Variants in ZCCHC2 observed in about 807,000 individuals in gnomAD.
The protein encoded by ZCCHC2 is zinc finger CCHC-type containing 2.
ZCCHC2 carries 39 observed loss-of-function variants against 103.6 expected under a neutral mutation model. That is an observed-to-expected ratio of 0.38 (90% CI 0.29 to 0.49). ZCCHC2 has a LOEUF of 0.49. ZCCHC2 is among the 20% of genes least tolerant of loss of function. ZCCHC2 has a pLI of 0.96. For synonymous variants in ZCCHC2, 687 were observed against 608.9 expected, an observed-to-expected ratio of 1.13 and a Z score of -1.89; for missense variants, 1,483 against 1,491.0, an observed-to-expected ratio of 0.99 and a Z score of 0.09.
intron 1 of ZCCHC2, among the ~76,000 whole-genome samples, chr18:62,529,065 CAA>C (rs1179665704): frequency 7.2e-6 from 1 of 138,700 alleles, no homozygotes; most frequent in African/African-American, 2.7e-5. Context: ...GAGGCTGAGA[CAA>C]GAGAATTGCT....
At chr18:62,531,907 C>T (rs2145487696) in intron 1 of ZCCHC2, among the ~76,000 whole-genome samples, 1 of 152,186 alleles carries the variant, frequency 6.6e-6, no homozygotes, top group South Asian at 2.1e-4. Context: ...TCACTTGAGC[C>T]TGGGAGGTCA....
rs1401088053 is a variant in ZCCHC2, at chr18:62,563,061, G to A, written c.1603G>A (p.Glu535Lys). 3 of 1,613,910 alleles carry A rather than the reference G, an allele frequency of 1.9e-6. No homozygotes were observed. Among genetic ancestry groups the A allele is most frequent in the Non-Finnish European group, 2.5e-6 (3 of 1,179,828 alleles). The change falls in exon 9 of 14, where the codon GAA becomes AAA. Residue 535 changes from glutamate to lysine, a missense_variant. Coordinates refer to ENST00000269499, the MANE Select transcript of ZCCHC2 (RefSeq NM_017742.6). ...PLDGLTMQYS[E>K]QNGIVDWRKQ... ...GGATGGGCTTACCATGCAATATTCT[G>A]AACAGAATGGAATTGTGGATTGGAG...
intron 1 of ZCCHC2, among the ~76,000 whole-genome samples, chr18:62,533,821 G>A (rs924619873): frequency 7.3e-6 from 1 of 137,332 alleles, no homozygotes. Context: ...GCAGTGACCC[G>A]ATATGGTGAC....
chr18:62,569,731 T>C (rs1266405862), intron 11 of ZCCHC2, among the ~76,000 whole-genome samples: 2 of 152,152 alleles, frequency 1.3e-5, no homozygotes, highest in Admixed American at 6.6e-5. Flanking sequence ...TGAATAGGCA[T>C]TTTGGCAGCC....
chr18:62,572,132 T>G (rs144178943), intron 12 of ZCCHC2, among the ~76,000 whole-genome samples: 1,645 of 152,292 alleles, frequency 0.011, 29 homozygotes, highest in African/African-American at 0.037. Context: ...CCCAGGCTGG[T>G]CTTGAACTCC....
Position 62,575,080 on chromosome 18 carries a change from C to G in ZCCHC2, c.2999C>G (p.Thr1000Arg). 6.2e-7 allele frequency: 1 copy of G among 1,614,008 alleles called. No homozygotes were observed. Among genetic ancestry groups the G allele is most frequent in the South Asian group, 1.1e-5 (1 of 91,076 alleles). The change falls in exon 13 of 14, where the codon ACA (threonine) becomes AGA (arginine). Residue 1000 changes from threonine (T) to arginine (R), a missense_variant. Thr to Arg is a moderately conservative substitution (Grantham distance 71). This residue lies in a region of ZCCHC2 where 884 missense variants were observed against 907.5 expected (regional missense o/e 0.97). Transcript: ENST00000269499. The stretch of plus-strand genomic sequence containing the variant: ...GTGGGGAACACGAACGCTAATGGGA[C>G]AGTAGTGCCACCGCAGCAGATGGGC... ...SAVGNTNANG[T>R]VVPPQQMGSG...
At chr18:62,561,957 T>C (rs952814478) in intron 8 of ZCCHC2, among the ~76,000 whole-genome samples, 1 of 152,134 alleles carries the variant, frequency 6.6e-6, no homozygotes, top group African/African-American at 2.4e-5. Context: ...TCCAAATCCT[T>C]GTATGTTAGA....
At chr18:62,546,695 T>A (rs1471289979) in intron 4 of ZCCHC2, among the ~76,000 whole-genome samples, 2 of 152,220 alleles carry the variant, frequency 1.3e-5, no homozygotes, top group African/African-American at 2.4e-5. Flanking sequence ...GCCTGGCGCA[T>A]GGAGTCTGCC....
intron 1 of ZCCHC2, chr18:62,527,064 A>G (rs1048493761): frequency 2.3e-5 from 3 of 129,192 alleles, no homozygotes; most frequent in African/African-American, 8.9e-5. Flanking sequence ...ATGCAATTTT[A>G]ATTGGGAGTC....
chr18:62,556,086 A>T, intron 5 of ZCCHC2, 117 bp from the exon 6 acceptor site: 1 of 725,806 alleles, frequency 1.4e-6, no homozygotes, highest in Non-Finnish European at 2.2e-6. Context: ...CTATAGGAAA[A>T]ATATTTTTCC....
chr18:62,582,805 A>G (rs997143096), downstream of ZCCHC2, among the ~76,000 whole-genome samples: 15 of 152,066 alleles, frequency 9.9e-5, no homozygotes, highest in African/African-American at 3.4e-4. Flanking sequence ...TTGTAATACT[A>G]TTTTAAGAGA....
At chr18:62,537,001 A>G (rs908162748) in intron 1 of ZCCHC2, among the ~76,000 whole-genome samples, 53 of 152,228 alleles carry the variant, frequency 3.5e-4, no homozygotes, top group African/African-American at 1.3e-3. Flanking sequence ...TATAAAATAT[A>G]TAGCATAAAA....
At chr18:62,538,537 TA>T (rs1319901087) in intron 1 of ZCCHC2, among the ~76,000 whole-genome samples, 1 of 152,194 alleles carries the variant, frequency 6.6e-6, no homozygotes, top group Admixed American at 6.5e-5. Context: ...TGAAAATTGG[TA>T]AAGGCTATCA....
At position 62,535,795 on chromosome 18, in the gene ZCCHC2, T is replaced by C. The variant is rs370960118; in HGVS notation, c.940-3886T>C. Among the ~76,000 whole-genome samples the C allele has an allele frequency of 2.0e-5, 3 of 152,376 alleles. No individual in the cohort carries two copies. In the South Asian group the frequency reaches 6.2e-4, roughly 32 times the overall value. On this transcript the variant is annotated intron_variant, in intron 1 of 13. Transcript: ENST00000269499. ...TTTCAGCGGGAGGAATATTAAATAA[T>C]TTTTAGCTACCTTTAATCCGCCACG...
chr18:62,578,717 G>A (rs773092467), downstream of ZCCHC2: 2 of 152,214 alleles, frequency 1.3e-5, no homozygotes, highest in Non-Finnish European at 2.9e-5. Context: ...AGGGTGGGCA[G>A]TGAATCCCAA....
chr18:62,524,416 C>T (rs1265742051), intron 1 of ZCCHC2, 53 bp downstream of exon 1: 2 of 1,426,454 alleles, frequency 1.4e-6, no homozygotes, highest in Middle Eastern at 2.4e-4. Flanking sequence ...GCCCCGGCGG[C>T]CTCCCCGGCC....
chr18:62,558,787 T>C lies in ZCCHC2; in HGVS notation c.1492+17T>C. The C allele has an allele frequency of 6.7e-7, 1 of 1,497,732 alleles. No homozygotes were observed. The highest frequency in any genetic ancestry group is 9.0e-7 in the Non-Finnish European group (1 of 1,110,912). The allele number at this position is 1,497,732 out of a possible 1,614,324, so 92.8% of individuals were successfully genotyped here. On this transcript the variant is annotated intron_variant, in intron 7 of 13. Transcript: ENST00000269499. ...AAGAAGAAGGTAAAGGTAGATTCAC[T>C]AGAGTAAATCATTCTGCCTGCTGAT... is the stretch of plus-strand genomic sequence containing the variant.
intron 6 of ZCCHC2, among the ~76,000 whole-genome samples, chr18:62,557,144 T>G (rs1915919498): frequency 6.6e-6 from 1 of 152,208 alleles, no homozygotes; most frequent in Admixed American, 6.5e-5. Flanking sequence ...ATGTTCCGTA[T>G]GTTGAGTTTT....
rs747090009 is a variant in ZCCHC2 at position 62,558,797 on chromosome 18, C to G, written c.1492+27C>G. The stretch of plus-strand genomic sequence containing the variant: ...TAAAGGTAGATTCACTAGAGTAAAT[C>G]ATTCTGCCTGCTGATAGCACATGGA... On this transcript the variant is annotated intron_variant, in intron 7 of 13. Coordinates refer to ENST00000269499, the MANE Select transcript of ZCCHC2 (RefSeq NM_017742.6). 12 of 1,433,380 alleles carry G rather than the reference C, an allele frequency of 8.4e-6. No homozygotes were observed. The Admixed American group carries it at 2.8e-4, about 34-fold the overall frequency. 88.8% of individuals were successfully genotyped at this position (1,433,380 alleles called of 1,614,324 possible). A position where few individuals can be genotyped will look rare whatever the true frequency, so the allele number is the denominator to read the frequency against.
Sources: allele counts gnomAD v4.1 joint callset (sites outside exome capture counted in the v4.1 genomes callset), GRCh38; gene constraint gnomAD v4.1.1; regional missense constraint gnomAD v4.1.1; transcripts MANE v1.5; gene names NCBI Gene and HGNC (gene_info 2026-07-23, HGNC 2026-07-21).